Variants in ALMS1 observed in about 807,000 individuals in gnomAD.
The protein encoded by ALMS1 is ALMS1 centrosome and basal body associated protein.
In ALMS1, 271 loss-of-function variants were observed where a neutral mutation model predicts 352.2. The observed-to-expected ratio is 0.77, with a 90% CI of 0.70 to 0.85. The LOEUF (loss-of-function observed/expected upper bound fraction) is 0.85. ALMS1 is among the 40% of genes least tolerant of loss of function. The probability of loss-of-function intolerance (pLI) is 0.00; values close to 1 mark genes in which losing one functional copy is unlikely to be tolerated. For synonymous variants in ALMS1, 1,865 were observed against 1,761.2 expected (o/e 1.06, Z -1.48); for missense variants, 5,445 against 4,870.7 (o/e 1.12, Z -3.51).
intron 10 of ALMS1, among the ~76,000 whole-genome samples, chr2:73,516,538 C>CA (rs887035214): frequency 5.3e-5 from 8 of 152,146 alleles, no homozygotes; most frequent in Admixed American, 3.9e-4. Flanking sequence ...ACATGGAATA[C>CA]AAAAAACAAT....
chr2:73,410,100 C>A (rs1671047104), intron 2 of ALMS1, among the ~76,000 whole-genome samples: 1 of 152,126 alleles, frequency 6.6e-6, no homozygotes, highest in Non-Finnish European at 1.5e-5. Context: ...TTCATACACA[C>A]CTCACAGGCC....
chr2:73,392,586 A>T (rs1201442107), intron 1 of ALMS1, among the ~76,000 whole-genome samples: 1 of 152,178 alleles, frequency 6.6e-6, no homozygotes, highest in Non-Finnish European at 1.5e-5. Flanking sequence ...GGCATTTCAT[A>T]TAAATGGAAT....
chr2:73,480,908 C>G (rs1672687708), intron 9 of ALMS1, among the ~76,000 whole-genome samples: 1 of 147,784 alleles, frequency 6.8e-6, no homozygotes, highest in Non-Finnish European at 1.5e-5. Flanking sequence ...CCTTCGCCCA[C>G]TTTTTGATGG....
At chr2:73,493,329 C>G (rs1440164165) in intron 10 of ALMS1, among the ~76,000 whole-genome samples, 1 of 148,734 alleles carries the variant, frequency 6.7e-6, no homozygotes, top group East Asian at 1.9e-4. Context: ...ACTCCACAGT[C>G]CATAAATAAG....
At chr2:73,553,589 G>C (rs1329759576) in intron 13 of ALMS1, among the ~76,000 whole-genome samples, 1 of 152,158 alleles carries the variant, frequency 6.6e-6, no homozygotes, top group Non-Finnish European at 1.5e-5. Flanking sequence ...GCAGAAGTTT[G>C]TAATAGAAAA....
chr2:73,542,135 C>G (rs1411089670), intron 12 of ALMS1, among the ~76,000 whole-genome samples: 1 of 152,120 alleles, frequency 6.6e-6, no homozygotes, highest in Non-Finnish European at 1.5e-5. Context: ...TACTGGAAAA[C>G]CGAATCCAGC....
Position 73,557,201 on chromosome 2 carries a change from A to G in ALMS1, c.10079-19A>G, listed in dbSNP as rs935864365. ...TATTATCTTTCCTTTTCTGAAATCA[A>G]ATGATGTCGTTATTCCAGATGCCTC... On this transcript the variant is annotated intron_variant, in intron 13 of 22. Coordinates refer to ENST00000613296, the MANE Select transcript of ALMS1 (RefSeq NM_001378454.1). 3.7e-6 allele frequency: 6 copies of G among 1,614,002 alleles called. No individual in the cohort carries two copies. Among genetic ancestry groups the G allele is most frequent in the African/African-American group, 1.3e-5 (1 of 75,036 alleles).
chr2:73,410,234 C>CA (rs1671049755), intron 2 of ALMS1, among the ~76,000 whole-genome samples: 1 of 151,952 alleles, frequency 6.6e-6, no homozygotes, highest in African/African-American at 2.4e-5. Context: ...ACTAAAAATA[C>CA]AAAAATTAGC....
At chr2:73,550,644 T>C (rs973035661) in intron 13 of ALMS1, among the ~76,000 whole-genome samples, 2 of 152,208 alleles carry the variant, frequency 1.3e-5, no homozygotes, top group African/African-American at 4.8e-5. Context: ...TTGAAAATTA[T>C]AAACTTCATT....
At position 73,452,450 on chromosome 2, in the gene ALMS1, G is replaced by T. The variant is rs1275620845; in HGVS notation, c.5923G>T (p.Glu1975Ter). 6.2e-7 allele frequency: 1 copy of T among 1,614,032 alleles called. No individual in the cohort carries two copies. Among genetic ancestry groups the T allele is most frequent in the East Asian group, 2.2e-5 (1 of 44,868 alleles). ...AGTTTCACCTGTTTCTATACCAGCA[G>T]AGCAGAAGACTGGGATACCAATAGG... Reference protein sequence around the residue: ...LKVSPVSIPAEQKTGIPIGLS... With the variant: ...LKVSPVSIPA Residue 1975 changes from glutamate (E) to a stop codon, truncating the protein, a stop_gained, in exon 8 of 23, where the codon GAG (glutamate) becomes TAG (stop). Coordinates refer to ENST00000613296, the MANE Select transcript of ALMS1 (RefSeq NM_001378454.1). LOFTEE classifies it high-confidence loss of function.
chr2:73,544,224 G>C (rs1214176405), intron 12 of ALMS1, among the ~76,000 whole-genome samples: 3 of 152,136 alleles, frequency 2.0e-5, no homozygotes, highest in Admixed American at 2.0e-4. Context: ...TAGGGACATG[G>C]ATGAAGCTGG....
chr2:73,581,366 A>C (rs1675174113), intron 16 of ALMS1, among the ~76,000 whole-genome samples: 1 of 152,320 alleles, frequency 6.6e-6, no homozygotes, highest in African/African-American at 2.4e-5. Context: ...TGTCAAAACA[A>C]ACACAATTCC....
intron 11 of ALMS1, among the ~76,000 whole-genome samples, chr2:73,528,191 T>A (rs1480383909): frequency 6.6e-6 from 1 of 152,198 alleles, no homozygotes; most frequent in Non-Finnish European, 1.5e-5. Context: ...TTGAGAATGA[T>A]CCATGTGCTG....
intron 6 of ALMS1, 135 bp downstream of exon 6, chr2:73,426,688 A>G: frequency 1.2e-6 from 1 of 860,538 alleles, no homozygotes. Context: ...ACTGGTGAGT[A>G]CATTGAGCTA....
chr2:73,398,220 C>A (rs537803968), intron 1 of ALMS1, among the ~76,000 whole-genome samples: 1 of 152,282 alleles, frequency 6.6e-6, no homozygotes, highest in East Asian at 1.9e-4. Flanking sequence ...TCCAGTTGTT[C>A]CAGCACCATT....
rs758690154 is a variant in ALMS1, at chr2:73,453,901, T to G, written c.7374T>G (p.Asp2458Glu). The change falls in exon 8 of 23, where the codon GAT becomes GAG. Residue 2458 changes from aspartate (D) to glutamate (E), a missense_variant. Transcript: ENST00000613296. ...TTTCACCCAAGACAAGTATAACAGATAGCAGGGAGGAAGAGGGTGTGTCAG... is the reference window on the plus strand; with the variant it reads ...TTTCACCCAAGACAAGTATAACAGAGAGCAGGGAGGAAGAGGGTGTGTCAG... ...PYVSPKTSITDSREEEGVSES... is the reference protein window; with the variant it reads ...PYVSPKTSITESREEEGVSES... 8 of 1,614,054 alleles carry G rather than the reference T, an allele frequency of 5.0e-6. No homozygotes were observed. In the South Asian group the frequency reaches 8.8e-5, roughly 18 times the overall value.
chr2:73,573,071 A>T lies in ALMS1; in HGVS notation c.11194A>T (p.Asn3732Tyr). The T allele has an allele frequency of 6.2e-7, 1 of 1,614,122 alleles. No individual in the cohort carries two copies. The highest frequency in any genetic ancestry group is 8.5e-7 in the Non-Finnish European group (1 of 1,180,004). ...ACAGCCAGGTTTTAATTATATAAGC[A>T]ACACTTCTTCGGATTGTCGGCCCTC... Reference protein sequence around the residue: ...SKQPGFNYISNTSSDCRPSEE... With the variant: ...SKQPGFNYISYTSSDCRPSEE... Residue 3732 changes from asparagine to tyrosine, a missense_variant, in exon 16 of 23, where the codon AAC becomes TAC. Transcript: ENST00000613296.
rs375314465 is a variant in ALMS1, at chr2:73,602,321, G to T, written c.12251G>T (p.Arg4084Met). Residue 4084 changes from arginine to methionine, a missense_variant, in exon 20 of 23, where the codon AGG becomes ATG. By Grantham distance (91) the Arg-to-Met change is moderately conservative (BLOSUM62 -1). Transcript: ENST00000613296. ...TERDALFNID[R>M]ERQGHQNRMC... ...CGGGATGCACTATTCAACATTGACA[G>T]GGAACGGCAGGGCCACCAGAATCGC... 2.5e-5 allele frequency: 40 copies of T among 1,614,080 alleles called. No individual in the cohort carries two copies. The African/African-American group carries it at 2.9e-4, about 12-fold the overall frequency.
chr2:73,490,265 C>T lies in ALMS1; in HGVS notation c.8306C>T (p.Ser2769Phe), dbSNP rs1060500037. Residue 2769 changes from serine (S) to phenylalanine (F), a missense_variant, in exon 10 of 23, where the codon TCT (serine) becomes TTT (phenylalanine). Physicochemically the swap from Ser to Phe is radical, Grantham distance 155. Transcript: ENST00000613296. ...NPPRDLKQKT[S>F]SPSSFKMHSN... ...CCCAGAGATCTTAAACAGAAAACCTCTTCCCCTTCATCATTTAAAATGCAT... is the reference window on the plus strand; with the variant it reads ...CCCAGAGATCTTAAACAGAAAACCTTTTCCCCTTCATCATTTAAAATGCAT... 9 of 1,614,038 alleles carry T rather than the reference C, an allele frequency of 5.6e-6. No homozygotes were observed. The highest frequency in any genetic ancestry group is 1.1e-5 in the South Asian group (1 of 91,042).
Sources: allele counts gnomAD v4.1 joint callset (sites outside exome capture counted in the v4.1 genomes callset), GRCh38; gene constraint gnomAD v4.1.1; transcripts MANE v1.5; gene names NCBI Gene and HGNC (gene_info 2026-07-23, HGNC 2026-07-21).